The following RAB3C variants were observed in gnomAD, a reference collection of about 807,000 sequenced individuals.
RAB3C encodes the protein ras-related protein Rab-3C.
Under a neutral mutation model 26.4 loss-of-function variants are expected in RAB3C, and 17 were observed. That is an observed-to-expected ratio of 0.64 (90% CI 0.44 to 0.97). The LOEUF is 0.97. RAB3C is among the 50% of genes least tolerant of loss of function. The pLI, the probability that RAB3C is intolerant of heterozygous loss-of-function variation, is 0.00. For missense variants in RAB3C, 242 were observed against 281.9 expected (o/e 0.86, Z 1.01); for synonymous variants, 91 against 95.9 (o/e 0.95, Z 0.30).
chr5:58,814,818 T>A (rs191445398), intron 3 of RAB3C: 1 of 152,326 alleles, frequency 6.6e-6, no homozygotes, highest in Admixed American at 6.5e-5. Context: ...TTTGACATTT[T>A]ATAAAATTAG....
intron 2 of RAB3C, among the ~76,000 whole-genome samples, chr5:58,632,813 C>G (rs1026434195): frequency 4.6e-5 from 7 of 152,212 alleles, no homozygotes; most frequent in African/African-American, 7.2e-5. Flanking sequence ...TTCCCTCTCT[C>G]CATGACTGAA....
chr5:58,835,927 C>T (rs111626262), intron 4 of RAB3C, among the ~76,000 whole-genome samples: 2,318 of 152,274 alleles, frequency 0.015, 55 homozygotes, highest in African/African-American at 0.051. Context: ...CTGGCAGAAA[C>T]CATCTCTGTT....
intron 1 of RAB3C, among the ~76,000 whole-genome samples, chr5:58,615,199 C>T (rs758989213): frequency 2.0e-5 from 3 of 152,068 alleles, no homozygotes; most frequent in Non-Finnish European, 2.9e-5. Context: ...TAGAGATCCT[C>T]GGGCCTCAGT....
At chr5:58,681,406 C>T (rs1748340712) in intron 2 of RAB3C, among the ~76,000 whole-genome samples, 1 of 152,104 alleles carries the variant, frequency 6.6e-6, no homozygotes, top group Non-Finnish European at 1.5e-5. Context: ...ATTGGACAGG[C>T]AATTACGCCA....
chr5:58,794,544 G>T (rs376771375), intron 3 of RAB3C: 1 of 151,734 alleles, frequency 6.6e-6, no homozygotes, highest in African/African-American at 2.4e-5. Context: ...TCTGTTGTCT[G>T]TGTCTTTACT....
intron 2 of RAB3C, among the ~76,000 whole-genome samples, chr5:58,656,317 A>C (rs1006628850): frequency 2.0e-5 from 3 of 152,190 alleles, no homozygotes; most frequent in Non-Finnish European, 2.9e-5. Context: ...GACTATAACT[A>C]ATCATAATGT....
chr5:58,758,966 T>C (rs560439884), intron 3 of RAB3C, among the ~76,000 whole-genome samples: 21 of 152,282 alleles, frequency 1.4e-4, no homozygotes, highest in African/African-American at 3.1e-4. Flanking sequence ...GCCTTTAGAT[T>C]TGACATTTCC....
At chr5:58,815,276 A>T (rs295645) in intron 3 of RAB3C, among the ~76,000 whole-genome samples, 118,198 of 152,082 alleles carry the variant, frequency 0.78, 46,532 homozygotes, top group Middle Eastern at 0.9. Flanking sequence ...CACTGGCCAC[A>T]AAGTAGTTGA....
In RAB3C at chr5:58,857,213, G is replaced by A. The variant is rs1041673419; in HGVS notation, c.*5862G>A. The A allele has an allele frequency of 1.3e-5, 2 of 152,120 alleles. No homozygotes were observed. The highest frequency in any genetic ancestry group is 4.8e-5 in the African/African-American group (2 of 41,432). The allele number at this position is 152,120 out of a possible 1,614,324, so 9.4% of individuals were successfully genotyped here. A position where few individuals can be genotyped will look rare whatever the true frequency, so the allele number is the denominator to read the frequency against. ...TTATTCAAATGATTTTCTTGTAGCT[G>A]TATTTGTCTAGTGGTGCAATTTATA... On this transcript the variant is annotated 3_prime_UTR_variant, in exon 5 of 5. Transcript: ENST00000282878.
intron 3 of RAB3C, among the ~76,000 whole-genome samples, chr5:58,782,783 C>T (rs1742298597): frequency 1.3e-5 from 2 of 152,040 alleles, no homozygotes; most frequent in Non-Finnish European, 2.9e-5. Flanking sequence ...GCTTTATACC[C>T]AGAAAGCACT....
chr5:58,794,756 G>A (rs1032114008), intron 3 of RAB3C, among the ~76,000 whole-genome samples: 5 of 152,194 alleles, frequency 3.3e-5, no homozygotes, highest in Non-Finnish European at 7.3e-5. Flanking sequence ...AAAGTGAGGC[G>A]CAGAGGAGTT....
intron 3 of RAB3C, among the ~76,000 whole-genome samples, chr5:58,773,679 T>C (rs1742070102): frequency 6.6e-6 from 1 of 152,234 alleles, no homozygotes; most frequent in South Asian, 2.1e-4. Flanking sequence ...GAGGCACAGC[T>C]GTCAATCAGT....
chr5:58,638,806 T>C (rs1051586791), intron 2 of RAB3C, among the ~76,000 whole-genome samples: 12 of 152,354 alleles, frequency 7.9e-5, no homozygotes, highest in African/African-American at 2.6e-4. Flanking sequence ...CTTTCTTTGT[T>C]CAGTAGATCA....
At position 58,793,799 on chromosome 5, in the gene RAB3C, G is replaced by A. The variant is rs1010266793; in HGVS notation, c.372-31239G>A. ...ATTTCTGATGGTCATCTAGGTGGAG[G>A]AATCATTGGTGATGAATTTGCATTT... is the stretch of plus-strand genomic sequence containing the variant. On this transcript the variant is annotated intron_variant, in intron 3 of 4. Transcript: ENST00000282878. Among the ~76,000 whole-genome samples, 3 of 152,058 alleles carry A rather than the reference G, an allele frequency of 2.0e-5. No homozygotes were observed. In the South Asian group the frequency reaches 6.2e-4, roughly 32 times the overall value.
Position 58,710,793 on chromosome 5 carries a change from T to C in RAB3C, c.253-15209T>C, listed in dbSNP as rs150282930. 6.6e-3 allele frequency among the ~76,000 whole-genome samples: 998 copies of C among 152,240 alleles called. 10 individuals are homozygous for C. Among genetic ancestry groups the C allele is most frequent in the African/African-American group, 0.023 (937 of 41,550 alleles). On this transcript the variant is annotated intron_variant, in intron 2 of 4. Coordinates refer to ENST00000282878, the MANE Select transcript of RAB3C (RefSeq NM_138453.4). ...GCCAGCTATGTGCTCGCTCTCTCTA[T>C]GGCGTACATGATGAGATGCTGCAGC...
chr5:58,808,119 A>G (rs6899081), intron 3 of RAB3C, among the ~76,000 whole-genome samples: 97,312 of 150,766 alleles, frequency 0.65, 32,229 homozygotes, highest in African/African-American at 0.79. Flanking sequence ...CAGTTACTCG[A>G]GAGGCTGAGG....
chr5:58,730,810 C>T (rs1741000093), intron 3 of RAB3C, among the ~76,000 whole-genome samples: 1 of 152,114 alleles, frequency 6.6e-6, no homozygotes, highest in African/African-American at 2.4e-5. Flanking sequence ...AGTCTGTTCT[C>T]AAACTGATAA....
At chr5:58,640,300 C>G (rs1747387827) in intron 2 of RAB3C, among the ~76,000 whole-genome samples, 3 of 152,144 alleles carry the variant, frequency 2.0e-5, no homozygotes, top group Admixed American at 2.0e-4. Flanking sequence ...ATATCTCTGC[C>G]AGGAAAATGA....
Position 58,617,671 on chromosome 5 carries a change from G to A in RAB3C, c.53G>A (p.Gly18Asp). The A allele has an allele frequency of 6.2e-7, 1 of 1,613,576 alleles. No homozygotes were observed. The highest frequency in any genetic ancestry group is 8.5e-7 in the Non-Finnish European group (1 of 1,179,636). ...GCCTCTGCCCAAGATGCCAGGTACG[G>A]CCAGAAAGACTCCTCTGATCAGAAC... ...QMASAQDARY[G>D]QKDSSDQNFD... The change falls in exon 2 of 5, where the codon GGC becomes GAC. Residue 18 changes from glycine to aspartate, a missense_variant. By Grantham distance (94) the Gly-to-Asp change is moderately conservative (BLOSUM62 -1). Coordinates refer to ENST00000282878, the MANE Select transcript of RAB3C (RefSeq NM_138453.4).
Sources: allele counts gnomAD v4.1 joint callset (sites outside exome capture counted in the v4.1 genomes callset), GRCh38; gene constraint gnomAD v4.1.1; transcripts MANE v1.5; gene names NCBI Gene and HGNC (gene_info 2026-07-23, HGNC 2026-07-21).